Variants in CATSPER3 observed in about 807,000 individuals in gnomAD.
The protein encoded by CATSPER3 is cation channel sperm-associated protein 3.
CATSPER3 carries 23 observed loss-of-function variants against 36.6 expected under a neutral mutation model. The ratio of observed to expected loss-of-function variants is 0.63; its 90% CI spans 0.45 to 0.89. CATSPER3 has a LOEUF of 0.89. CATSPER3 is among the 40% of genes least tolerant of loss of function. The probability of loss-of-function intolerance (pLI) is 0.00; values close to 1 mark genes in which losing one functional copy is unlikely to be tolerated. For missense variants in CATSPER3, 474 were observed against 503.9 expected (o/e 0.94, Z 0.57); for synonymous variants, 172 against 184.1 (o/e 0.93, Z 0.53).
chr5:134,968,211 A>G, intron 1 of CATSPER3, 122 bp downstream of exon 1: 1 of 740,184 alleles, frequency 1.4e-6, no homozygotes, highest in Non-Finnish European at 2.4e-6. Flanking sequence ...AATAAGTTGC[A>G]TGTCCTTGAC....
At chr5:134,984,389 A>T (rs1344008994) in intron 2 of CATSPER3, among the ~76,000 whole-genome samples, 3 of 152,262 alleles carry the variant, frequency 2.0e-5, no homozygotes, top group Non-Finnish European at 4.4e-5. Flanking sequence ...AAGGAATAAT[A>T]TCCAAAATCT....
At chr5:135,003,219 T>C (rs1209766202) in intron 3 of CATSPER3, among the ~76,000 whole-genome samples, 2 of 152,186 alleles carry the variant, frequency 1.3e-5, no homozygotes, top group Non-Finnish European at 2.9e-5. Context: ...GGAGGTCCAC[T>C]CCAGACCCTG....
At chr5:134,979,985 T>TCCTACCCTTCCCTCCTTA in intron 2 of CATSPER3, among the ~76,000 whole-genome samples, 1 of 102,550 alleles carries the variant, frequency 9.8e-6, no homozygotes, top group Non-Finnish European at 2.4e-5. Context: ...TTCCCTCCTT[T>TCCTACCCTTCCCTCCTTA]TCTTCTTTCT....
At chr5:134,969,194 A>T (rs1454761387) in intron 1 of CATSPER3, 1 of 152,188 alleles carries the variant, frequency 6.6e-6, no homozygotes, top group East Asian at 1.9e-4. Flanking sequence ...TGTTTAGTTG[A>T]AGTTATTTCA....
chr5:134,981,435 G>T (rs1352226156), intron 2 of CATSPER3, among the ~76,000 whole-genome samples: 1 of 152,116 alleles, frequency 6.6e-6, no homozygotes, highest in African/African-American at 2.4e-5. Flanking sequence ...GCAGGGAGTT[G>T]AGATTGTGCC....
intron 3 of CATSPER3, among the ~76,000 whole-genome samples, chr5:135,005,785 C>CT (rs111742921): frequency 0.12 from 18,046 of 152,168 alleles, 3,434 homozygotes; most frequent in African/African-American, 0.41. Flanking sequence ...GCATTTCAGC[C>CT]GGAAGCAACC....
intron 3 of CATSPER3, among the ~76,000 whole-genome samples, chr5:135,005,562 G>A (rs1752075712): frequency 1.3e-5 from 2 of 152,156 alleles, no homozygotes; most frequent in Non-Finnish European, 2.9e-5. Flanking sequence ...CCCATGGTCG[G>A]GACTTGTACC....
chr5:134,980,442 T>C (rs1249060954), intron 2 of CATSPER3, among the ~76,000 whole-genome samples: 1 of 146,802 alleles, frequency 6.8e-6, no homozygotes, highest in Non-Finnish European at 1.5e-5. Flanking sequence ...TCTTTTTTTT[T>C]TTTTTTTGAG....
rs559139822 is a variant in CATSPER3 at position 134,990,410 on chromosome 5, G to A, written c.253-5863G>A. Among the ~76,000 whole-genome samples the A allele has an allele frequency of 2.1e-4, 32 of 152,260 alleles. No homozygotes were observed. In the South Asian group the frequency reaches 5.8e-3, roughly 28 times the overall value. ...GCATTCTTTTGAGTTTCTAATTAGCGTCTCCAAAGGTGGCAATCAGATATG... is the reference window on the plus strand; with the variant it reads ...GCATTCTTTTGAGTTTCTAATTAGCATCTCCAAAGGTGGCAATCAGATATG... On this transcript the variant is annotated intron_variant, in intron 2 of 7. Coordinates refer to ENST00000282611, the MANE Select transcript of CATSPER3 (RefSeq NM_178019.3).
intron 2 of CATSPER3, among the ~76,000 whole-genome samples, chr5:134,982,171 AATG>A (rs1751759261): frequency 6.6e-6 from 1 of 152,194 alleles, no homozygotes; most frequent in Admixed American, 6.5e-5. Flanking sequence ...AGAAAGAAAA[AATG>A]ATGATAAATG....
At chr5:135,002,937 CCTT>C (rs760398533) in intron 3 of CATSPER3, among the ~76,000 whole-genome samples, 11 of 152,258 alleles carry the variant, frequency 7.2e-5, no homozygotes, top group Non-Finnish European at 1.5e-4. Context: ...TCGTCTGAAG[CCTT>C]CTTCTCTCAA....
At chr5:134,984,547 T>A (rs1483148918) in intron 2 of CATSPER3, among the ~76,000 whole-genome samples, 2 of 152,074 alleles carry the variant, frequency 1.3e-5, no homozygotes, top group Non-Finnish European at 2.9e-5. Context: ...AGCATGGAAA[T>A]GTAAATTAAA....
rs967854280 is a variant in CATSPER3 at position 135,008,899 on chromosome 5, G to T, written c.734G>T (p.Arg245Leu). 4.3e-6 allele frequency: 7 copies of T among 1,613,900 alleles called. No homozygotes were observed. Among genetic ancestry groups the T allele is most frequent in the Non-Finnish European group, 5.9e-6 (7 of 1,179,972 alleles). ...QLDNREFALS[R>L]AFTIIFILLA... ...GACAATCGGGAATTTGCTTTGAGCC[G>T]GGCATTCACCATCATCTTCATCTTG... The change falls in exon 5 of 8, where the codon CGG (arginine) becomes CTG (leucine). Residue 245 changes from arginine (R) to leucine (L), a missense_variant. By Grantham distance (102) the Arg-to-Leu change is moderately radical. Transcript: ENST00000282611.
Position 135,007,805 on chromosome 5 carries a change from C to CCA in CATSPER3, c.493-151_493-150insAC. 7.5e-4 allele frequency: 36 copies of CCA among 47,930 alleles called. 5 individuals are homozygous for CCA. Among genetic ancestry groups the CCA allele is most frequent in the South Asian group, 2.6e-3 (7 of 2,648 alleles). The allele number at this position is 47,930 out of a possible 1,614,324, so 3.0% of individuals were successfully genotyped here. ...TTAGTTTATTCAACCAACCAACCAA[C>CCA]CCACCCACCCACCCTTATTGAGCAT... On this transcript the variant is annotated intron_variant, in intron 3 of 7. Coordinates refer to ENST00000282611, the MANE Select transcript of CATSPER3 (RefSeq NM_178019.3).
chr5:134,998,147 C>T (rs1031147103), intron 3 of CATSPER3, among the ~76,000 whole-genome samples: 1 of 152,112 alleles, frequency 6.6e-6, no homozygotes, highest in Admixed American at 6.5e-5. Flanking sequence ...TCAGTTCCCA[C>T]CTATAAGTGA....
chr5:134,974,498 C>T (rs1031211968), intron 2 of CATSPER3, among the ~76,000 whole-genome samples: 2 of 151,984 alleles, frequency 1.3e-5, no homozygotes, highest in Non-Finnish European at 2.9e-5. Context: ...TCTGGGATGG[C>T]AGAGTTCTAT....
intron 2 of CATSPER3, among the ~76,000 whole-genome samples, chr5:134,971,859 C>T (rs928558936): frequency 3.9e-5 from 6 of 152,016 alleles, no homozygotes; most frequent in Admixed American, 2.6e-4. Flanking sequence ...AACCAGGATA[C>T]CTCAAAAATC....
At chr5:134,977,390 G>C (rs1293506807) in intron 2 of CATSPER3, among the ~76,000 whole-genome samples, 1 of 152,100 alleles carries the variant, frequency 6.6e-6, no homozygotes, top group African/African-American at 2.4e-5. Context: ...CTTATGTTCA[G>C]CTTTCCACAA....
intron 1 of CATSPER3, chr5:134,969,606 A>G: frequency 2.7e-6 from 1 of 364,286 alleles, no homozygotes; most frequent in Non-Finnish European, 5.2e-6. Context: ...CCCAGTGCCT[A>G]CTAGATTGCT....
Sources: allele counts gnomAD v4.1 joint callset (sites outside exome capture counted in the v4.1 genomes callset), GRCh38; gene constraint gnomAD v4.1.1; transcripts MANE v1.5; gene names NCBI Gene and HGNC (gene_info 2026-07-23, HGNC 2026-07-21).